NDUFAF6: variants seen among roughly 807,000 people sequenced by gnomAD.
NDUFAF6 encodes the protein NADH:ubiquinone oxidoreductase complex assembly factor 6.
A neutral mutation model predicts 40.8 loss-of-function variants in NDUFAF6; 45 were observed. The ratio of observed to expected loss-of-function variants is 1.10; its 90% CI spans 0.87 to 1.42. NDUFAF6 has a LOEUF of 1.42. NDUFAF6 is among the 40% of genes most tolerant of loss of function. The probability of loss-of-function intolerance (pLI) is 0.00; values close to 1 mark genes in which losing one functional copy is unlikely to be tolerated. For synonymous variants in NDUFAF6, 185 were observed against 155.9 expected, an observed-to-expected ratio of 1.19 and a Z score of -1.39; for missense variants, 435 against 418.5, an observed-to-expected ratio of 1.04 and a Z score of -0.34.
At chr8:94,999,060 A>G (rs1826593455) in intron 2 of NDUFAF6, among the ~76,000 whole-genome samples, 1 of 151,880 alleles carries the variant, frequency 6.6e-6, no homozygotes, top group African/African-American at 2.4e-5. Context: ...CAGACATAAA[A>G]TGTCATAAAA....
At chr8:95,045,311 G>A (rs977804878) in intron 4 of NDUFAF6, among the ~76,000 whole-genome samples, 1 of 152,132 alleles carries the variant, frequency 6.6e-6, no homozygotes, top group Non-Finnish European at 1.5e-5. Context: ...AAAATGCCAT[G>A]TCCATGGTGA....
At chr8:95,008,435 A>G (rs569634305) in intron 2 of NDUFAF6, among the ~76,000 whole-genome samples, 2 of 152,324 alleles carry the variant, frequency 1.3e-5, no homozygotes, top group South Asian at 4.1e-4. Flanking sequence ...TTTAGATCAC[A>G]AGCTCCTTAC....
chr8:94,951,692 T>C (rs1173509519), intron 2 of NDUFAF6, among the ~76,000 whole-genome samples: 1 of 152,234 alleles, frequency 6.6e-6, no homozygotes, highest in East Asian at 1.9e-4. Context: ...TGTTGGAGCA[T>C]AATAATAAAA....
chr8:95,102,783 C>A (rs1809690869), intron 2 of NDUFAF6, among the ~76,000 whole-genome samples: 2 of 152,156 alleles, frequency 1.3e-5, no homozygotes, highest in Non-Finnish European at 2.9e-5. Flanking sequence ...AACCAGGAAG[C>A]AAACTGTATG....
downstream of NDUFAF6, among the ~76,000 whole-genome samples, chr8:95,104,939 C>T (rs1809775456): frequency 1.3e-5 from 2 of 151,878 alleles, no homozygotes; most frequent in African/African-American, 4.8e-5. Context: ...CAAAAGGATG[C>T]CCAGAAAGAC....
rs1183654414 is a variant in NDUFAF6, at chr8:95,047,114, A to C, written c.701A>C (p.Asp234Ala). 6.2e-7 allele frequency: 1 copy of C among 1,614,184 alleles called. No individual in the cohort carries two copies. The highest frequency in any genetic ancestry group is 8.5e-7 in the Non-Finnish European group (1 of 1,180,022). ...GSRRKVFLPM[D>A]ICMLHGVSQE... ...AGAAGAAAGGTGTTCCTTCCCATGG[A>C]TATTTGTATGCTGGTAAGGCTGTAA... The change falls in exon 6 of 9, where the codon GAT (aspartate) becomes GCT (alanine). Residue 234 changes from aspartate to alanine, a missense_variant. Asp to Ala is a moderately radical substitution (Grantham distance 126, BLOSUM62 -2). Transcript: ENST00000396124.
At chr8:94,987,619 G>A (rs1042825721) in intron 2 of NDUFAF6, among the ~76,000 whole-genome samples, 4 of 152,248 alleles carry the variant, frequency 2.6e-5, no homozygotes, top group East Asian at 1.9e-4. Context: ...TGACAGAGAC[G>A]GTCCTGGCTA....
At chr8:94,899,911 G>A (rs1011310752) in intron 1 of NDUFAF6, among the ~76,000 whole-genome samples, 1 of 152,032 alleles carries the variant, frequency 6.6e-6, no homozygotes, top group Non-Finnish European at 1.5e-5. Context: ...GACCTCTTGC[G>A]CCCAGGAGAT....
upstream of NDUFAF6, among the ~76,000 whole-genome samples, chr8:94,956,995 AC>A (rs1390250413): frequency 3.1e-4 from 47 of 152,038 alleles, no homozygotes; most frequent in African/African-American, 9.4e-4. Context: ...ATGTGGTGAA[AC>A]CCCATCTCTA....
chr8:95,073,979 G>A (rs2132040335), intron 9 of NDUFAF6, among the ~76,000 whole-genome samples: 1 of 152,264 alleles, frequency 6.6e-6, no homozygotes, highest in East Asian at 1.9e-4. Context: ...CATGATAATG[G>A]CATTGTGCTT....
At chr8:95,021,297 C>A (rs1827684575), upstream of NDUFAF6, among the ~76,000 whole-genome samples, 1 of 152,118 alleles carries the variant, frequency 6.6e-6, no homozygotes, top group South Asian at 2.1e-4. Flanking sequence ...ATACAGCACA[C>A]AAGGACAATC....
intron 1 of NDUFAF6, among the ~76,000 whole-genome samples, chr8:94,942,745 A>G (rs552751663): frequency 6.6e-6 from 1 of 152,326 alleles, no homozygotes; most frequent in South Asian, 2.1e-4. Flanking sequence ...GACTCCTGCA[A>G]TGACTTTACT....
intron 2 of NDUFAF6, among the ~76,000 whole-genome samples, chr8:94,992,216 G>A (rs1160558574): frequency 6.6e-6 from 1 of 152,146 alleles, no homozygotes; most frequent in African/African-American, 2.4e-5. Flanking sequence ...GGCTGGGCAC[G>A]GTGGCTCACA....
chr8:95,045,392 T>C (rs1830620397), intron 4 of NDUFAF6, among the ~76,000 whole-genome samples, 153 bp from the exon 5 acceptor site: 1 of 152,230 alleles, frequency 6.6e-6, no homozygotes, highest in Admixed American at 6.5e-5. Flanking sequence ...TGTGTAGAAC[T>C]TCAATATTGT....
chr8:94,952,796 G>A (rs149567158), intron 2 of NDUFAF6, among the ~76,000 whole-genome samples: 4 of 152,260 alleles, frequency 2.6e-5, no homozygotes, highest in African/African-American at 4.8e-5. Flanking sequence ...CTATTTCCAC[G>A]TGGTGATTAG....
chr8:95,031,163 A>G (rs1828787624), intron 1 of NDUFAF6, among the ~76,000 whole-genome samples: 1 of 152,206 alleles, frequency 6.6e-6, no homozygotes, highest in African/African-American at 2.4e-5. Flanking sequence ...AGTTTCTTTC[A>G]GTGGAGAATG....
intron 2 of NDUFAF6, among the ~76,000 whole-genome samples, chr8:95,002,340 TGTGAGCCCTCAAGAGCAGAA>T (rs1207770254): frequency 6.6e-6 from 1 of 152,262 alleles, no homozygotes; most frequent in Non-Finnish European, 1.5e-5. Flanking sequence ...GAACAAGCGC[TGTGAGCCCTCAAGAGCAGAA>T]ATGAGTCTCA....
intron 9 of NDUFAF6, among the ~76,000 whole-genome samples, chr8:95,069,503 G>A (rs551334232): frequency 6.6e-6 from 1 of 151,408 alleles, no homozygotes; most frequent in Admixed American, 6.6e-5. Context: ...ATATTGGCTC[G>A]GCATGGTGGC....
chr8:94,909,009 A>G (rs1008457266), intron 1 of NDUFAF6, among the ~76,000 whole-genome samples: 5 of 152,200 alleles, frequency 3.3e-5, no homozygotes, highest in Non-Finnish European at 5.9e-5. Flanking sequence ...TAAGAATTGG[A>G]AAGTTTATAT....
Sources: allele counts gnomAD v4.1 joint callset (sites outside exome capture counted in the v4.1 genomes callset), GRCh38; gene constraint gnomAD v4.1.1; transcripts MANE v1.5; gene names NCBI Gene and HGNC (gene_info 2026-07-23, HGNC 2026-07-21).